ELAVL4: variants seen among roughly 807,000 people sequenced by gnomAD.
The protein encoded by ELAVL4 is ELAV-like protein 4.
Under a neutral mutation model 35.6 loss-of-function variants are expected in ELAVL4, and 1 was observed. The observed-to-expected ratio is 0.03, with a 90% CI of 0.01 to 0.13. ELAVL4 has a LOEUF of 0.13. Ranked by LOEUF, ELAVL4 falls within the 10% of genes least tolerant of loss-of-function variation. ELAVL4 has a pLI of 1.00. For missense variants in ELAVL4, 267 were observed against 464.9 expected, an observed-to-expected ratio of 0.57 and a Z score of 3.91; for synonymous variants, 156 against 171.0, an observed-to-expected ratio of 0.91 and a Z score of 0.69.
At chr1:50,064,781 C>A (rs368317025) in intron 1 of ELAVL4, among the ~76,000 whole-genome samples, 2 of 152,344 alleles carry the variant, frequency 1.3e-5, no homozygotes, top group East Asian at 3.9e-4. Context: ...ACTCTGGAAT[C>A]TGACTGTTTA....
chr1:50,053,070 A>G (rs1482463744), intron 1 of ELAVL4, among the ~76,000 whole-genome samples: 1 of 152,210 alleles, frequency 6.6e-6, no homozygotes, highest in Admixed American at 6.5e-5. Context: ...AACGCTTATT[A>G]TCTATAGTAC....
intron 3 of ELAVL4, among the ~76,000 whole-genome samples, chr1:50,188,242 G>A (rs1682131692): frequency 6.6e-6 from 1 of 152,202 alleles, no homozygotes; most frequent in African/African-American, 2.4e-5. Flanking sequence ...CCAAATTTCT[G>A]TGAAGCAGAT....
chr1:50,062,501 T>C (rs1400424596), intron 1 of ELAVL4, among the ~76,000 whole-genome samples: 1 of 152,126 alleles, frequency 6.6e-6, no homozygotes, highest in African/African-American at 2.4e-5. Flanking sequence ...CCCACCTTAA[T>C]TGATATTTCC....
rs140253539 is a variant in ELAVL4 at position 50,068,634 on chromosome 1, T to G, written c.18+20452T>G. Among the ~76,000 whole-genome samples, 413 of 152,344 alleles carry G rather than the reference T, an allele frequency of 2.7e-3. 5 individuals are homozygous for G. The highest frequency in any genetic ancestry group is 9.5e-3 in the African/African-American group (394 of 41,588). On this transcript the variant is annotated intron_variant, in intron 1 of 6. Coordinates refer to the ELAVL4 transcript ENST00000448907. The stretch of plus-strand genomic sequence containing the variant: ...GATTTTTGAACTGCATTTCTGACCG[T>G]CACATGTCTGGTTGTGTGAAATCTG...
chr1:50,078,453 T>C (rs1217236779), intron 1 of ELAVL4, among the ~76,000 whole-genome samples: 1 of 152,126 alleles, frequency 6.6e-6, no homozygotes, highest in Non-Finnish European at 1.5e-5. Flanking sequence ...GTTTCACAAG[T>C]ACTTCCCTTA....
chr1:50,195,457 G>T (rs1643989946), intron 4 of ELAVL4, 104 bp from the exon 5 acceptor site: 1 of 1,273,648 alleles, frequency 7.9e-7, no homozygotes, highest in Non-Finnish European at 1.1e-6. Context: ...GGCACCACAG[G>T]TGGGCTTACT....
At chr1:50,192,036 A>T (rs1682736896) in intron 3 of ELAVL4, among the ~76,000 whole-genome samples, 2 of 152,186 alleles carry the variant, frequency 1.3e-5, no homozygotes, top group South Asian at 4.1e-4. Context: ...CTGTGGAGTG[A>T]AGCCCTGTCC....
chr1:50,145,338 A>G, intron 2 of ELAVL4, 141 bp downstream of exon 2: 2 of 1,275,048 alleles, frequency 1.6e-6, no homozygotes, highest in African/African-American at 1.5e-5. Flanking sequence ...ATAAACTCAC[A>G]CTACATACAC....
At chr1:50,155,147 A>T (rs1465730327) in intron 2 of ELAVL4, among the ~76,000 whole-genome samples, 1 of 149,416 alleles carries the variant, frequency 6.7e-6, no homozygotes, top group Admixed American at 6.6e-5. Flanking sequence ...AGCATTAGTT[A>T]TATCTCCTAA....
At chr1:50,172,630 A>G (rs1679226277) in intron 2 of ELAVL4, among the ~76,000 whole-genome samples, 1 of 152,144 alleles carries the variant, frequency 6.6e-6, no homozygotes, top group Admixed American at 6.5e-5. Context: ...GGACCCTAAG[A>G]CCTACCAAGC....
At chr1:50,184,626 A>C (rs962635627) in intron 3 of ELAVL4, among the ~76,000 whole-genome samples, 1 of 152,202 alleles carries the variant, frequency 6.6e-6, no homozygotes, top group Admixed American at 6.5e-5. Context: ...TTGCTTTTCT[A>C]TTCTCTAGGA....
At chr1:50,173,172 T>G (rs1679345970) in intron 2 of ELAVL4, among the ~76,000 whole-genome samples, 1 of 152,214 alleles carries the variant, frequency 6.6e-6, no homozygotes, top group Non-Finnish European at 1.5e-5. Flanking sequence ...ATGAGCTAGT[T>G]ATTATGGGAA....
intron 1 of ELAVL4, among the ~76,000 whole-genome samples, chr1:50,120,132 T>C (rs1432816033): frequency 6.6e-6 from 1 of 151,644 alleles, no homozygotes; most frequent in Non-Finnish European, 1.5e-5. Flanking sequence ...AGCATCATAG[T>C]ATTTAAAATA....
At chr1:50,171,087 A>G (rs914500733) in intron 2 of ELAVL4, among the ~76,000 whole-genome samples, 2 of 152,180 alleles carry the variant, frequency 1.3e-5, no homozygotes, top group African/African-American at 4.8e-5. Context: ...GTGAATGACC[A>G]AAAGAAAATA....
intron 2 of ELAVL4, among the ~76,000 whole-genome samples, chr1:50,168,020 C>T (rs1355452499): frequency 6.6e-6 from 1 of 152,228 alleles, no homozygotes; most frequent in African/African-American, 2.4e-5. Context: ...AGGTGCACTG[C>T]TCAAAGTTCT....
intron 6 of ELAVL4, among the ~76,000 whole-genome samples, chr1:50,200,626 G>T (rs1644344690): frequency 6.6e-6 from 1 of 152,148 alleles, no homozygotes. Context: ...TTTAGAAATT[G>T]ACCTAGGTCT....
chr1:50,149,890 C>G (rs1410674395), intron 2 of ELAVL4, among the ~76,000 whole-genome samples: 1 of 151,998 alleles, frequency 6.6e-6, no homozygotes, highest in African/African-American at 2.4e-5. Context: ...TGAACATTAT[C>G]AATAACAAAA....
chr1:50,138,374 C>G (rs994230765), intron 1 of ELAVL4, among the ~76,000 whole-genome samples: 10 of 151,992 alleles, frequency 6.6e-5, no homozygotes, highest in Non-Finnish European at 1.3e-4. Context: ...AGGGCCAAGG[C>G]ATTCAATAGG....
intron 1 of ELAVL4, among the ~76,000 whole-genome samples, chr1:50,088,942 A>G (rs1665371807): frequency 6.6e-6 from 1 of 152,168 alleles, no homozygotes; most frequent in South Asian, 2.1e-4. Context: ...AGGCTTGGCA[A>G]TTGTTCTTTG....
Sources: allele counts gnomAD v4.1 joint callset (sites outside exome capture counted in the v4.1 genomes callset), GRCh38; gene constraint gnomAD v4.1.1; transcripts MANE v1.5; gene names NCBI Gene and HGNC (gene_info 2026-07-23, HGNC 2026-07-21).